Variants in DOCK9 observed in about 807,000 individuals in gnomAD.
DOCK9 encodes the protein dedicator of cytokinesis 9.
In DOCK9, 89 loss-of-function variants were observed where a neutral mutation model predicts 263.3. The observed-to-expected ratio is 0.34, with a 90% confidence interval of 0.28 to 0.40. The LOEUF (loss-of-function observed/expected upper bound fraction) is 0.40. DOCK9 is among the 10% of genes least tolerant of loss of function. DOCK9 has a pLI of 1.00. For missense variants in DOCK9, 2,140 were observed against 2,603.4 expected (o/e 0.82, Z 3.87); for synonymous variants, 976 against 973.1 (o/e 1.00, Z -0.06).
intron 45 of DOCK9, 51 bp from the exon 46 acceptor site, chr13:98,810,342 G>C: frequency 6.2e-7 from 1 of 1,600,104 alleles, no homozygotes; most frequent in Non-Finnish European, 8.5e-7. Flanking sequence ...TGGGGAACGT[G>C]ACATGGCACC....
intron 47 of DOCK9, chr13:98,808,607 A>C: frequency 6.8e-7 from 1 of 1,479,986 alleles, no homozygotes; most frequent in Non-Finnish European, 9.4e-7. Flanking sequence ...ATTTCACTAT[A>C]TTACTTGCTT....
At chr13:98,912,058 C>A (rs865808960) in intron 9 of DOCK9, among the ~76,000 whole-genome samples, 1 of 151,156 alleles carries the variant, frequency 6.6e-6, no homozygotes, top group Non-Finnish European at 1.5e-5. Flanking sequence ...CTAGTAGAGA[C>A]AGGGTTTTAT....
rs768722221 is a variant in DOCK9, at chr13:98,807,796, T to C, written c.5379A>G (p.Glu1793=). 1.2e-6 allele frequency: 2 copies of C among 1,609,844 alleles called. No homozygotes were observed. The highest frequency in any genetic ancestry group is 2.7e-5 in the African/African-American group (2 of 74,870). The change falls in exon 48 of 53, where the codon GAA becomes GAG. Residue 1793 remains glutamate, a synonymous_variant. Transcript: ENST00000682017. The stretch of plus-strand genomic sequence containing the variant: ...AAATATACTCCTTTCCATCTTCATC[T>C]TCAAAGAATCCCTGTGACATAAAGC... ...RVAFFGQGFF[E]DEDGKEYIYK... is the part of the protein sequence containing the mutation.
chr13:99,045,022 A>G (rs964419522), intron 1 of DOCK9, among the ~76,000 whole-genome samples: 5 of 152,194 alleles, frequency 3.3e-5, no homozygotes, highest in African/African-American at 1.2e-4. Flanking sequence ...CACTAAGAGG[A>G]TGTGGTGGAA....
chr13:98,971,663 G>A (rs991206274), intron 1 of DOCK9, among the ~76,000 whole-genome samples: 3 of 152,068 alleles, frequency 2.0e-5, no homozygotes, highest in Non-Finnish European at 2.9e-5. Flanking sequence ...AACCGAGATC[G>A]CACCACTGCA....
At chr13:99,049,330 G>C (rs556872731) in intron 1 of DOCK9, among the ~76,000 whole-genome samples, 71 of 152,318 alleles carry the variant, frequency 4.7e-4, no homozygotes, top group African/African-American at 1.7e-3. Context: ...CTTGGACAGG[G>C]GCAGTGTGGT....
rs140615354 is a variant in DOCK9 at position 98,893,822 on chromosome 13, C to T, written c.1709+3666G>A. ...TCCCCTAACTCTGTTGTGAAGAATA[C>T]GGGGAGTGGGCACCAAAGTTTCTTT... On this transcript the variant is annotated intron_variant, in intron 15 of 52. Transcript: ENST00000682017. Among the ~76,000 whole-genome samples the T allele has an allele frequency of 3.4e-4, 52 of 152,298 alleles. 1 individual carries two copies. The East Asian group carries it at 9.1e-3, about 27-fold the overall frequency.
At chr13:98,991,305 C>T (rs1245319569) in intron 1 of DOCK9, among the ~76,000 whole-genome samples, 6 of 152,122 alleles carry the variant, frequency 3.9e-5, no homozygotes, top group African/African-American at 1.2e-4. Flanking sequence ...CTCCTGACCT[C>T]GTGATGCTCC....
At chr13:99,031,123 T>TTAA (rs34359526) in intron 1 of DOCK9, among the ~76,000 whole-genome samples, 63 of 151,648 alleles carry the variant, frequency 4.2e-4, no homozygotes, top group East Asian at 2.3e-3. Flanking sequence ...ATGTTTTTTT[T>TTAA]AAAAAAAAGT....
intron 1 of DOCK9, among the ~76,000 whole-genome samples, chr13:99,013,724 GAAAC>G (rs1267023379): frequency 6.6e-6 from 1 of 152,174 alleles, no homozygotes; most frequent in Admixed American, 6.5e-5. Context: ...GAGCAGCAGA[GAAAC>G]AGACACACAG....
At chr13:98,995,730 C>T (rs1257415997) in intron 1 of DOCK9, among the ~76,000 whole-genome samples, 3 of 152,096 alleles carry the variant, frequency 2.0e-5, no homozygotes, top group South Asian at 2.1e-4. Context: ...CCTTGTGATC[C>T]GCCCGTCTAG....
Position 98,809,353 on chromosome 13 carries a change from T to G in DOCK9, c.5366A>C (p.Gln1789Pro). ...GTYFRVAFFG[Q>P]GFFEDEDGKE... ...CTGCAGAATGGACAGGAGGCTCACC[T>G]GCCCGAAGAAGGCTACCCGGAAGTA... The change falls in exon 47 of 53, where the codon CAG (glutamine) becomes CCG (proline). Residue 1789 changes from glutamine (Q) to proline (P), a missense_variant and splice_region_variant. Gln to Pro is a moderately conservative substitution (Grantham distance 76, BLOSUM62 -1). Around this residue, in one of 2 missense-constraint regions of DOCK9, gnomAD observed 619 missense variants for 861.8 expected, o/e 0.72. Transcript: ENST00000682017. The G allele has an allele frequency of 1.2e-6, 2 of 1,613,272 alleles. No homozygotes were observed. The highest frequency in any genetic ancestry group is 1.7e-6 in the Non-Finnish European group (2 of 1,179,382).
chr13:98,858,242 A>G (rs1387150540), intron 33 of DOCK9: 3 of 152,218 alleles, frequency 2.0e-5, no homozygotes, highest in African/African-American at 7.2e-5. Context: ...AAAAGAAGAT[A>G]AATTCGTCCC....
intron 1 of DOCK9, chr13:99,025,232 A>T (rs1886574668): frequency 1.3e-5 from 2 of 152,230 alleles, no homozygotes; most frequent in Non-Finnish European, 2.9e-5. Flanking sequence ...AAAAACAAAT[A>T]GGTGCTTGCT....
chr13:99,044,005 T>C (rs1168886778), intron 1 of DOCK9, among the ~76,000 whole-genome samples: 1 of 152,228 alleles, frequency 6.6e-6, no homozygotes, highest in East Asian at 1.9e-4. Context: ...CTCACTCACT[T>C]ACCATTTATA....
At chr13:98,908,626 A>G (rs2049490956) in intron 9 of DOCK9, among the ~76,000 whole-genome samples, 1 of 152,206 alleles carries the variant, frequency 6.6e-6, no homozygotes, top group Non-Finnish European at 1.5e-5. Flanking sequence ...AAATTTCAGA[A>G]TAATGTATAT....
intron 1 of DOCK9, among the ~76,000 whole-genome samples, chr13:99,000,407 G>A (rs1882050322): frequency 6.6e-6 from 1 of 152,272 alleles, no homozygotes; most frequent in South Asian, 2.1e-4. Flanking sequence ...TCAAAGCAAG[G>A]TGCTAGATTC....
chr13:98,809,077 AG>A (rs2091025287), intron 47 of DOCK9: 1 of 1,533,044 alleles, frequency 6.5e-7, no homozygotes, highest in Admixed American at 2.2e-5. Context: ...ACCACACTGA[AG>A]TACCAAAGAT....
At chr13:98,976,339 C>T (rs2060277707) in intron 1 of DOCK9, among the ~76,000 whole-genome samples, 1 of 151,946 alleles carries the variant, frequency 6.6e-6, no homozygotes. Flanking sequence ...ACATAAATGG[C>T]AAATTTCTTG....
Sources: allele counts gnomAD v4.1 joint callset (sites outside exome capture counted in the v4.1 genomes callset), GRCh38; gene constraint gnomAD v4.1.1; regional missense constraint gnomAD v4.1.1; transcripts MANE v1.5; gene names NCBI Gene and HGNC (gene_info 2026-07-23, HGNC 2026-07-21).